Variants in MCCC2 observed in about 807,000 individuals in gnomAD.
MCCC2 encodes methylcrotonyl-CoA carboxylase subunit 2.
Under a neutral mutation model 77.2 loss-of-function variants are expected in MCCC2, and 52 were observed. That is an observed-to-expected ratio of 0.67 (90% CI 0.54 to 0.85). The LOEUF (loss-of-function observed/expected upper bound fraction) is 0.85, where lower values mean the gene tolerates loss of function less well. MCCC2 is among the 40% of genes least tolerant of loss of function. MCCC2 has a pLI of 0.00. For missense variants in MCCC2, 682 were observed against 703.2 expected (o/e 0.97, Z 0.34); for synonymous variants, 253 against 248.4 (o/e 1.02, Z -0.18).
At chr5:71,605,738 C>G (rs1745645469) in intron 6 of MCCC2, among the ~76,000 whole-genome samples, 1 of 151,978 alleles carries the variant, frequency 6.6e-6, no homozygotes, top group Non-Finnish European at 1.5e-5. Flanking sequence ...TTTAATCCAT[C>G]TTGAATTGAT....
intron 12 of MCCC2, 79 bp downstream of exon 12, chr5:71,643,974 T>G: frequency 1.3e-6 from 2 of 1,586,984 alleles, no homozygotes; most frequent in African/African-American, 1.3e-5. Flanking sequence ...GAGTTAAAAT[T>G]TATTGCATAA....
intron 12 of MCCC2, among the ~76,000 whole-genome samples, chr5:71,644,766 A>G (rs1186521954): frequency 1.3e-5 from 2 of 152,128 alleles, no homozygotes; most frequent in African/African-American, 4.8e-5. Context: ...AAGCTCTTTC[A>G]TACCCTAATT....
chr5:71,639,347 A>G (rs1297160227), intron 10 of MCCC2, among the ~76,000 whole-genome samples: 2 of 151,922 alleles, frequency 1.3e-5, no homozygotes, highest in Non-Finnish European at 2.9e-5. Flanking sequence ...TGTAGCTTCT[A>G]TAATACATCA....
chr5:71,644,007 G>A, intron 12 of MCCC2, 112 bp downstream of exon 12: 1 of 1,284,478 alleles, frequency 7.8e-7, no homozygotes, highest in Non-Finnish European at 1.1e-6. Context: ...AGATGCCTCA[G>A]CAACCAGAAC....
intron 3 of MCCC2, among the ~76,000 whole-genome samples, chr5:71,596,894 T>A (rs1162184717): frequency 1.3e-5 from 2 of 151,860 alleles, no homozygotes; most frequent in Non-Finnish European, 2.9e-5. Context: ...GAGACGAGAT[T>A]GTGCCACTGC....
At chr5:71,649,899 A>C (rs1747385558) in intron 14 of MCCC2, among the ~76,000 whole-genome samples, 170 bp from the exon 15 acceptor site, 1 of 152,208 alleles carries the variant, frequency 6.6e-6, no homozygotes, top group Admixed American at 6.5e-5. Flanking sequence ...CCTCCTCTGG[A>C]GTCTAGTCTG....
intron 6 of MCCC2, among the ~76,000 whole-genome samples, chr5:71,605,321 T>G (rs1745626667): frequency 1.3e-5 from 2 of 151,224 alleles, no homozygotes; most frequent in Admixed American, 6.6e-5. Context: ...TTTGCATTTC[T>G]CTGATGGCCA....
intron 6 of MCCC2, among the ~76,000 whole-genome samples, chr5:71,624,810 C>T (rs1746483900): frequency 6.6e-6 from 1 of 151,356 alleles, no homozygotes; most frequent in African/African-American, 2.4e-5. Context: ...TCTCCTGCTT[C>T]AGCCTCCTGA....
intron 7 of MCCC2, among the ~76,000 whole-genome samples, chr5:71,627,241 A>G (rs1422080917): frequency 6.6e-6 from 1 of 152,216 alleles, no homozygotes; most frequent in Non-Finnish European, 1.5e-5. Flanking sequence ...TCATTCATCC[A>G]TCAATCGATA....
At chr5:71,652,981 T>C (rs1036149657) in intron 16 of MCCC2, among the ~76,000 whole-genome samples, 7 of 152,244 alleles carry the variant, frequency 4.6e-5, no homozygotes, top group Non-Finnish European at 8.8e-5. Context: ...CCACCAGTGG[T>C]CTGATTCTCG....
At chr5:71,591,689 G>A (rs368135722) in intron 1 of MCCC2, among the ~76,000 whole-genome samples, 2 of 151,880 alleles carry the variant, frequency 1.3e-5, no homozygotes, top group Admixed American at 6.6e-5. Flanking sequence ...TGCCCGCCTC[G>A]GCCTCCCAAA....
At chr5:71,598,951 G>A (rs1470578028) in intron 3 of MCCC2, among the ~76,000 whole-genome samples, 1 of 151,990 alleles carries the variant, frequency 6.6e-6, no homozygotes, top group South Asian at 2.1e-4. Flanking sequence ...TAAAGATGGG[G>A]TTTCCCCGTG....
At position 71,646,700 on chromosome 5, in the gene MCCC2, A is replaced by G. The variant is rs199942097; in HGVS notation, c.1216+423A>G. On this transcript the variant is annotated intron_variant, in intron 13 of 16. Coordinates refer to ENST00000340941, the MANE Select transcript of MCCC2 (RefSeq NM_022132.5). ...TTATCCATATTTTCTAAGTGAAGCT[A>G]TTTCTGAGTTATGTACCTGATCAGC... Among the ~76,000 whole-genome samples, 13 of 152,158 alleles carry G rather than the reference A, an allele frequency of 8.5e-5. No homozygotes were observed. In the East Asian group the frequency reaches 2.3e-3, roughly 27 times the overall value.
chr5:71,636,196 G>A (rs555132745), intron 10 of MCCC2: 87 of 333,736 alleles, frequency 2.6e-4, no homozygotes, highest in Admixed American at 5.3e-4. Context: ...TTTTCTGAAT[G>A]CATTGATGGA....
rs146670119 is a variant in MCCC2 at position 71,658,106 on chromosome 5, T to C, written c.*1246T>C. 6.6e-6 allele frequency: 1 copy of C among 152,314 alleles called. No individual in the cohort carries two copies. The highest frequency in any genetic ancestry group is 1.9e-4 in the East Asian group (1 of 5,192). 9.4% of individuals were successfully genotyped at this position (152,314 alleles called of 1,614,324 possible). A position where few individuals can be genotyped will look rare whatever the true frequency, so the allele number is the denominator to read the frequency against. ...CCTGAAGTGAAAAGTAATGTCAGAT[T>C]ACTCCCTTCAGTGATTTCTTGTAGA... On this transcript the variant is annotated 3_prime_UTR_variant, in exon 17 of 17. Coordinates refer to ENST00000340941, the MANE Select transcript of MCCC2 (RefSeq NM_022132.5).
chr5:71,625,725 A>T (rs1746509730), intron 6 of MCCC2, among the ~76,000 whole-genome samples: 1 of 152,220 alleles, frequency 6.6e-6, no homozygotes, highest in Non-Finnish European at 1.5e-5. Flanking sequence ...GCTTTAGTTG[A>T]GGAAGAATGC....
chr5:71,596,226 T>G, intron 2 of MCCC2, 54 bp from the exon 3 acceptor site: 6 of 1,479,794 alleles, frequency 4.1e-6, no homozygotes, highest in Non-Finnish European at 5.7e-6. Flanking sequence ...TTTCTGGCAT[T>G]GAGACCTTTT....
intron 11 of MCCC2, 79 bp downstream of exon 11, chr5:71,641,154 T>A: frequency 7.8e-7 from 1 of 1,278,170 alleles, no homozygotes; most frequent in Non-Finnish European, 1.1e-6. Context: ...AAGACTTTGA[T>A]ACACTTGACA....
chr5:71,595,071 C>T (rs1363046375), intron 2 of MCCC2, among the ~76,000 whole-genome samples: 6 of 132,762 alleles, frequency 4.5e-5, no homozygotes, highest in South Asian at 5.6e-4. Flanking sequence ...GCTAATTTTT[C>T]ATATTTTTAG....
Sources: allele counts gnomAD v4.1 joint callset (sites outside exome capture counted in the v4.1 genomes callset), GRCh38; gene constraint gnomAD v4.1.1; transcripts MANE v1.5; gene names NCBI Gene and HGNC (gene_info 2026-07-23, HGNC 2026-07-21).